KIAA1958: variants seen among roughly 807,000 people sequenced by gnomAD.
KIAA1958 encodes KIAA1958, also known as uncharacterized protein KIAA1958.
A neutral mutation model predicts 47.2 loss-of-function variants in KIAA1958; 14 were observed. The observed-to-expected ratio is 0.30, with a 90% CI of 0.20 to 0.46. The LOEUF is 0.46. Ranked by LOEUF, KIAA1958 falls within the 20% of genes least tolerant of loss-of-function variation. The pLI, the probability that KIAA1958 is intolerant of heterozygous loss-of-function variation, is 1.00. For synonymous variants in KIAA1958, 354 were observed against 353.3 expected, an observed-to-expected ratio of 1.00 and a Z score of -0.02; for missense variants, 803 against 909.2, an observed-to-expected ratio of 0.88 and a Z score of 1.50.
At chr9:112,614,362 AAATT>A (rs1242868979) in intron 2 of KIAA1958, among the ~76,000 whole-genome samples, 4 of 152,164 alleles carry the variant, frequency 2.6e-5, no homozygotes, top group African/African-American at 7.2e-5. Flanking sequence ...CAATTTGTGA[AAATT>A]AATCACATGC....
chr9:112,585,350 C>T (rs1835806083), intron 2 of KIAA1958, among the ~76,000 whole-genome samples: 1 of 152,188 alleles, frequency 6.6e-6, no homozygotes, highest in Non-Finnish European at 1.5e-5. Context: ...CCTCAGGGAA[C>T]ACATGGAAGT....
At chr9:112,533,594 AAAAAAAAAAAAG>A (rs1834794971) in intron 1 of KIAA1958, among the ~76,000 whole-genome samples, 3 of 151,412 alleles carry the variant, frequency 2.0e-5, no homozygotes, top group Non-Finnish European at 2.9e-5. Flanking sequence ...AAAAAAAAAA[AAAAAAAAAAAAG>A]AAAAGAGGTT....
At chr9:112,566,200 G>A (rs1380840159) in intron 1 of KIAA1958, among the ~76,000 whole-genome samples, 2 of 152,040 alleles carry the variant, frequency 1.3e-5, no homozygotes, top group African/African-American at 2.4e-5. Context: ...ACCGTGCCTA[G>A]CCTATCTTTT....
chr9:112,506,849 T>C (rs928082134), intron 1 of KIAA1958, among the ~76,000 whole-genome samples: 2 of 152,296 alleles, frequency 1.3e-5, no homozygotes, highest in African/African-American at 4.8e-5. Context: ...ACATTAATTC[T>C]GAATAGAACC....
rs1837339054 is a variant in KIAA1958, at chr9:112,665,314, CTG to C, written c.*5249_*5250del. Reference sequence around the variant, plus strand: ...CTAGAAGGCTCAGATTTGACTAAGACTGTGTTACGTGCTTTCTCACAGCTGCC... The same window carrying C: ...CTAGAAGGCTCAGATTTGACTAAGACTGTTACGTGCTTTCTCACAGCTGCC... On this transcript the variant is annotated 3_prime_UTR_variant, in exon 4 of 4. Coordinates refer to ENST00000337530, the MANE Select transcript of KIAA1958 (RefSeq NM_133465.4). 1 of 152,178 alleles carries C rather than the reference CTG, an allele frequency of 6.6e-6. No individual in the cohort carries two copies. The highest frequency in any genetic ancestry group is 1.5e-5 in the Non-Finnish European group (1 of 68,030). The allele number at this position is 152,178 out of a possible 1,614,324, so 9.4% of individuals were successfully genotyped here. A position where few individuals can be genotyped will look rare whatever the true frequency, so the allele number is the denominator to read the frequency against.
At chr9:112,657,884 T>G (rs887926924) in intron 3 of KIAA1958, among the ~76,000 whole-genome samples, 3 of 151,802 alleles carry the variant, frequency 2.0e-5, no homozygotes, top group Non-Finnish European at 4.4e-5. Flanking sequence ...GAGACAGAGT[T>G]TCGCTCTTGT....
At position 112,571,814 on chromosome 9, in the gene KIAA1958, C is replaced by CA. The variant is rs900511137; in HGVS notation, c.-24-2237dup. Among the ~76,000 whole-genome samples the CA allele has an allele frequency of 3.1e-3, 422 of 138,022 alleles. 5 individuals carry two copies. The highest frequency in any genetic ancestry group is 0.01 in the African/African-American group (387 of 37,228). 90.5% of individuals were successfully genotyped at this position (138,022 alleles called of 152,430 possible). On this transcript the variant is annotated intron_variant, in intron 1 of 3. Transcript: ENST00000337530. ...TAAAAAATAAATAAATAAATAAAAA[C>CA]AAAAAATAAAAATAAAAATAAAAAA...
Position 112,564,702 on chromosome 9 carries a change from A to C in KIAA1958, c.-24-9355A>C, listed in dbSNP as rs139197679. 5.8e-4 allele frequency among the ~76,000 whole-genome samples: 88 copies of C among 152,368 alleles called. 1 individual carries two copies. The highest frequency in any genetic ancestry group is 2.1e-3 in the African/African-American group (88 of 41,590). On this transcript the variant is annotated intron_variant, in intron 1 of 3. Transcript: ENST00000337530. ...AACATAAAATTTATAGTTCTGATAC[A>C]GCTATAAATCAAAATGTACTTACAA...
At chr9:112,496,841 T>C (rs1422965718) in intron 1 of KIAA1958, among the ~76,000 whole-genome samples, 2 of 152,184 alleles carry the variant, frequency 1.3e-5, no homozygotes, top group Non-Finnish European at 2.9e-5. Context: ...CTTTCCCAGC[T>C]CTTAGAATCA....
At chr9:112,648,456 A>G (rs1338351703) in intron 3 of KIAA1958, among the ~76,000 whole-genome samples, 4 of 152,170 alleles carry the variant, frequency 2.6e-5, no homozygotes, top group Admixed American at 6.5e-5. Context: ...TGATCAACAT[A>G]TATGTGTGAG....
intron 1 of KIAA1958, among the ~76,000 whole-genome samples, chr9:112,532,193 G>T (rs1423085158): frequency 6.6e-6 from 1 of 152,158 alleles, no homozygotes; most frequent in Non-Finnish European, 1.5e-5. Flanking sequence ...ATGTCTGTGG[G>T]TGTCCTCTGG....
At chr9:112,654,232 A>T (rs911437012) in intron 3 of KIAA1958, among the ~76,000 whole-genome samples, 1 of 152,216 alleles carries the variant, frequency 6.6e-6, no homozygotes, top group Non-Finnish European at 1.5e-5. Flanking sequence ...TGTTGAAAGC[A>T]CTAACATAAA....
chr9:112,526,998 A>G (rs1014502283), intron 1 of KIAA1958, among the ~76,000 whole-genome samples: 1 of 152,210 alleles, frequency 6.6e-6, no homozygotes, highest in South Asian at 2.1e-4. Context: ...ACTAATGTTG[A>G]TTATACCAAC....
intron 1 of KIAA1958, among the ~76,000 whole-genome samples, chr9:112,509,084 ATG>A (rs201311365): frequency 0.019 from 2,332 of 124,646 alleles, 25 homozygotes; most frequent in Non-Finnish European, 0.032. Context: ...GATACATTTA[ATG>A]TTTTTTTTTT....
intron 1 of KIAA1958, among the ~76,000 whole-genome samples, chr9:112,571,759 GCAAC>G (rs1835537912): frequency 6.7e-6 from 1 of 149,386 alleles, no homozygotes; most frequent in South Asian, 2.1e-4. Context: ...ACCAGCTTGG[GCAAC>G]CTAGGGACAC....
chr9:112,609,705 C>T (rs934658135), intron 2 of KIAA1958, among the ~76,000 whole-genome samples: 6 of 152,072 alleles, frequency 3.9e-5, no homozygotes, highest in African/African-American at 1.4e-4. Flanking sequence ...GCATGCACCA[C>T]CACACCCAGC....
At chr9:112,654,047 C>T (rs1005464032) in intron 3 of KIAA1958, among the ~76,000 whole-genome samples, 1 of 152,184 alleles carries the variant, frequency 6.6e-6, no homozygotes, top group Non-Finnish European at 1.5e-5. Context: ...ATGGATTCTA[C>T]TTGATCGGAG....
chr9:112,504,323 A>T (rs1405105264), intron 1 of KIAA1958, among the ~76,000 whole-genome samples: 1 of 152,010 alleles, frequency 6.6e-6, no homozygotes, highest in East Asian at 1.9e-4. Flanking sequence ...AGTAGCTGGA[A>T]TTACAGGTGC....
chr9:112,506,146 T>C (rs187729990), intron 1 of KIAA1958, among the ~76,000 whole-genome samples: 262 of 152,328 alleles, frequency 1.7e-3, no homozygotes, highest in Middle Eastern at 3.4e-3. Context: ...TATAGAGTAC[T>C]GTGGCAATTT....
Sources: gnomAD v4.1 joint callset for allele counts (sites outside exome capture counted in the v4.1 genomes callset) on GRCh38, gnomAD v4.1.1 for gene constraint, MANE v1.5 for transcripts, NCBI Gene and HGNC (gene_info 2026-07-23, HGNC 2026-07-21) for gene names.